SNX4: variants seen among roughly 807,000 people sequenced by gnomAD.
SNX4 encodes sorting nexin 4.
In SNX4, 49 loss-of-function variants were observed where a neutral mutation model predicts 70.8. The observed-to-expected ratio is 0.69, with a 90% CI of 0.55 to 0.88. The LOEUF is 0.88. Ranked by LOEUF, SNX4 falls within the 40% of genes least tolerant of loss-of-function variation. SNX4 has a pLI of 0.00. For missense variants in SNX4, 528 were observed against 544.8 expected, an observed-to-expected ratio of 0.97 and a Z score of 0.31; for synonymous variants, 206 against 183.8, an observed-to-expected ratio of 1.12 and a Z score of -0.98.
intron 1 of SNX4, among the ~76,000 whole-genome samples, chr3:125,510,164 T>C (rs891157570): frequency 2.6e-5 from 4 of 152,106 alleles, no homozygotes; most frequent in African/African-American, 9.7e-5. Flanking sequence ...ATATCCATGA[T>C]GTCATGGTAC....
chr3:125,506,226 A>G (rs746089356), intron 1 of SNX4, among the ~76,000 whole-genome samples: 9 of 152,356 alleles, frequency 5.9e-5, no homozygotes, highest in Non-Finnish European at 1.2e-4. Flanking sequence ...CACAAGGCAT[A>G]TAAAGAAACA....
chr3:125,482,542 A>G (rs1934435851), intron 6 of SNX4, among the ~76,000 whole-genome samples: 1 of 151,882 alleles, frequency 6.6e-6, no homozygotes, highest in Non-Finnish European at 1.5e-5. Context: ...CTGGCCTCCT[A>G]GCCCACTCCC....
chr3:125,493,131 T>C (rs1200623970), intron 5 of SNX4, among the ~76,000 whole-genome samples: 2 of 152,206 alleles, frequency 1.3e-5, no homozygotes, highest in African/African-American at 2.4e-5. Context: ...TATTTTTAAA[T>C]AGAAACAGAG....
intron 2 of SNX4, among the ~76,000 whole-genome samples, chr3:125,503,767 T>G (rs941108354): frequency 6.6e-6 from 1 of 152,202 alleles, no homozygotes; most frequent in Non-Finnish European, 1.5e-5. Context: ...TGTATCGTTA[T>G]TTGATACATG....
intron 7 of SNX4, among the ~76,000 whole-genome samples, chr3:125,478,568 G>C (rs1304724942): frequency 6.6e-6 from 1 of 151,914 alleles, no homozygotes; most frequent in Non-Finnish European, 1.5e-5. Context: ...TTGCAGTAGG[G>C]AACATCTTAC....
intron 6 of SNX4, among the ~76,000 whole-genome samples, chr3:125,484,132 G>C (rs1052067054): frequency 6.6e-6 from 1 of 152,208 alleles, no homozygotes; most frequent in Non-Finnish European, 1.5e-5. Flanking sequence ...TGCAGACTCT[G>C]ATAAGACTCT....
chr3:125,493,448 T>C (rs1934705961), intron 5 of SNX4, among the ~76,000 whole-genome samples: 1 of 151,040 alleles, frequency 6.6e-6, no homozygotes, highest in Non-Finnish European at 1.5e-5. Context: ...GGTCAAGAGA[T>C]CAAGACCATC....
At chr3:125,488,172 TAAAAAAAAA>T (rs35693375) in intron 6 of SNX4, among the ~76,000 whole-genome samples, 3 of 93,526 alleles carry the variant, frequency 3.2e-5, no homozygotes, top group African/African-American at 1.2e-4. Context: ...AATAGTCTAT[TAAAAAAAAA>T]AAAAAAAAAA....
chr3:125,456,546 C>G (rs999436454), intron 11 of SNX4, among the ~76,000 whole-genome samples: 6 of 152,140 alleles, frequency 3.9e-5, no homozygotes, highest in African/African-American at 1.2e-4. Context: ...ACTCAAGAGG[C>G]TGAGGCAGGA....
At chr3:125,460,107 T>C (rs957403168) in intron 10 of SNX4, among the ~76,000 whole-genome samples, 2 of 149,076 alleles carry the variant, frequency 1.3e-5, no homozygotes, top group Non-Finnish European at 3.0e-5. Flanking sequence ...GGCAGGAGAA[T>C]AGTTTGAACC....
chr3:125,500,080 C>CAA (rs59600453), intron 2 of SNX4, among the ~76,000 whole-genome samples: 1 of 140,246 alleles, frequency 7.1e-6, no homozygotes, highest in Non-Finnish European at 1.6e-5. Flanking sequence ...AAACAAACAC[C>CAA]AAAAAAAAAA....
At chr3:125,519,958 A>AGCCCAGCCCAGCCCAGCCCAGCCCC in intron 1 of SNX4, 74 bp downstream of exon 1, 1 of 718,666 alleles carries the variant, frequency 1.4e-6, no homozygotes. Context: ...GGCCCAGCCC[A>AGCCCAGCCCAGCCCAGCCCAGCCCC]GCCCAGCCCA....
At chr3:125,479,320 G>C (rs572063564) in intron 7 of SNX4, among the ~76,000 whole-genome samples, 3 of 152,220 alleles carry the variant, frequency 2.0e-5, no homozygotes, top group Admixed American at 6.5e-5. Context: ...TTGGGAGGCT[G>C]AGGTGGGCAG....
chr3:125,503,045 G>A (rs1934966759), intron 2 of SNX4, among the ~76,000 whole-genome samples: 1 of 150,978 alleles, frequency 6.6e-6, no homozygotes, highest in South Asian at 2.1e-4. Context: ...TCAGCCTCCC[G>A]AGTAGCTGGG....
chr3:125,519,026 AAATT>A (rs1392692366), intron 1 of SNX4, among the ~76,000 whole-genome samples: 28 of 149,892 alleles, frequency 1.9e-4, no homozygotes, highest in African/African-American at 5.5e-4. Flanking sequence ...ATAAATAAAT[AAATT>A]AATTAATTAA....
At position 125,503,914 on chromosome 3, in the gene SNX4, G is replaced by A. The variant is rs1312481499; in HGVS notation, c.263+709C>T. 2.6e-5 allele frequency among the ~76,000 whole-genome samples: 4 copies of A among 152,094 alleles called. No individual in the cohort carries two copies. The East Asian group carries it at 7.7e-4, about 29-fold the overall frequency. On this transcript the variant is annotated intron_variant, in intron 2 of 13. Coordinates refer to ENST00000251775, the MANE Select transcript of SNX4 (RefSeq NM_003794.4). ...TTACCCATTAAAAGATAAAGACACA[G>A]GGCTGGATGCAGTGGCTCACACGAG...
intron 1 of SNX4, among the ~76,000 whole-genome samples, chr3:125,509,752 C>CAAA (rs202049305): frequency 9.9e-4 from 68 of 68,634 alleles, no homozygotes; most frequent in Non-Finnish European, 1.4e-3. Flanking sequence ...GAATCTGTCT[C>CAAA]AAAAAAAAAA....
chr3:125,478,279 A>G (rs190629876), intron 7 of SNX4, among the ~76,000 whole-genome samples: 1 of 151,926 alleles, frequency 6.6e-6, no homozygotes, highest in African/African-American at 2.4e-5. Flanking sequence ...CATGCTGGTC[A>G]GGCTGGTCTC....
intron 7 of SNX4, among the ~76,000 whole-genome samples, chr3:125,478,677 G>A (rs931569144): frequency 6.6e-6 from 1 of 151,656 alleles, no homozygotes; most frequent in Non-Finnish European, 1.5e-5. Flanking sequence ...CTTCCTAAAA[G>A]CTGAGCATTC....
Sources: allele counts gnomAD v4.1 joint callset (sites outside exome capture counted in the v4.1 genomes callset), GRCh38; gene constraint gnomAD v4.1.1; transcripts MANE v1.5; gene names NCBI Gene and HGNC (gene_info 2026-07-23, HGNC 2026-07-21).